IFI16: variants seen among roughly 807,000 people sequenced by gnomAD.
The protein encoded by IFI16 is gamma-interferon-inducible protein 16.
Under a neutral mutation model 68.4 loss-of-function variants are expected in IFI16, and 49 were observed. The ratio of observed to expected loss-of-function variants is 0.72; its 90% CI spans 0.57 to 0.91. The LOEUF (loss-of-function observed/expected upper bound fraction) is 0.91, where lower values mean the gene tolerates loss of function less well. Among genes scored for constraint, IFI16 ranks in the 40% least tolerant of loss-of-function variants. The pLI is 0.00. For missense variants in IFI16, 878 were observed against 942.9 expected (o/e 0.93, Z 0.90); for synonymous variants, 307 against 315.0 (o/e 0.97, Z 0.27).
chr1:159,025,589 T>C (rs1402432502), intron 6 of IFI16, among the ~76,000 whole-genome samples: 1 of 152,230 alleles, frequency 6.6e-6, no homozygotes, highest in Non-Finnish European at 1.5e-5. Context: ...CTTTGTCAGA[T>C]GCATAGTTTG....
chr1:159,027,983 T>A (rs1021565294), intron 6 of IFI16, among the ~76,000 whole-genome samples: 1 of 152,220 alleles, frequency 6.6e-6, no homozygotes, highest in Non-Finnish European at 1.5e-5. Context: ...ATTTATCTTT[T>A]GTGTTGTTCT....
chr1:159,018,254 A>G lies in IFI16; in HGVS notation c.575A>G (p.Gln192Arg). Residue 192 changes from glutamine (Q) to arginine (R), a missense_variant, in exon 5 of 12, where the codon CAG (glutamine) becomes CGG (arginine). Physicochemically the swap from Gln to Arg is conservative, Grantham distance 43. Around this residue, in one of 4 missense-constraint regions of IFI16, gnomAD observed 443 missense variants for 421.8 expected, o/e 1.05. Transcript: ENST00000295809. The part of the protein sequence containing the change: ...TENPKTVAKC[Q>R]VTPRRNVLQK... ...AACCCGAAAACAGTGGCCAAATGTC[A>G]GGTAACTCCCAGAAGAAATGTTCTC... The G allele has an allele frequency of 6.2e-7, 1 of 1,613,754 alleles. No individual in the cohort carries two copies. Among genetic ancestry groups the G allele is most frequent in the Non-Finnish European group, 8.5e-7 (1 of 1,179,796 alleles).
chr1:159,007,129 T>C (rs2101781976), upstream of IFI16, among the ~76,000 whole-genome samples: 1 of 152,326 alleles, frequency 6.6e-6, no homozygotes. Flanking sequence ...TGAGAATCAA[T>C]GGACAAAACA....
At chr1:159,050,849 A>G (rs978034725) in intron 9 of IFI16, among the ~76,000 whole-genome samples, 2 of 152,140 alleles carry the variant, frequency 1.3e-5, no homozygotes, top group Non-Finnish European at 2.9e-5. Flanking sequence ...CCTTCAGATT[A>G]GGAAAGTTTG....
chr1:159,014,985 C>G (rs745621065), intron 2 of IFI16, 40 bp downstream of exon 2: 1 of 1,530,602 alleles, frequency 6.5e-7, no homozygotes, highest in Non-Finnish European at 8.8e-7. Flanking sequence ...TGCAACCATC[C>G]CCAAACCCTC....
chr1:159,049,885 T>C (rs1318477731), intron 9 of IFI16, among the ~76,000 whole-genome samples: 1 of 151,512 alleles, frequency 6.6e-6, no homozygotes, highest in East Asian at 1.9e-4. Flanking sequence ...AATCATACCT[T>C]AAAGTAGAAC....
intron 6 of IFI16, among the ~76,000 whole-genome samples, chr1:159,029,430 G>A (rs1399091708): frequency 6.6e-6 from 1 of 151,966 alleles, no homozygotes; most frequent in East Asian, 1.9e-4. Context: ...TCTTTTCTCC[G>A]TCTTGACTTT....
intron 1 of IFI16, chr1:159,000,471 A>G (rs111274281): frequency 0.011 from 1,749 of 154,090 alleles, 33 homozygotes; most frequent in African/African-American, 0.04. Context: ...GAAATATAAG[A>G]AATAACTTTT....
At chr1:159,029,263 G>A (rs886174825) in intron 6 of IFI16, among the ~76,000 whole-genome samples, 2 of 152,124 alleles carry the variant, frequency 1.3e-5, no homozygotes, top group African/African-American at 4.8e-5. Context: ...TTAGTTCACT[G>A]GATACACATT....
chr1:159,018,153 A>T, intron 4 of IFI16, 76 bp from the exon 5 acceptor site: 4 of 1,285,450 alleles, frequency 3.1e-6, no homozygotes, highest in Non-Finnish European at 4.4e-6. Context: ...CCTGTGTTAT[A>T]CTGAGGTCAC....
At chr1:159,054,748 A>G in intron 11 of IFI16, 73 bp from the exon 12 acceptor site, 1 of 727,256 alleles carries the variant, frequency 1.4e-6, no homozygotes, top group Non-Finnish European at 2.5e-6. Flanking sequence ...GAGGAGATAC[A>G]GTGTGATTGA....
Position 159,020,593 on chromosome 1 carries a change from A to G in IFI16, c.1161+64A>G. On this transcript the variant is annotated intron_variant, in intron 6 of 11. Coordinates refer to ENST00000295809, the MANE Select transcript of IFI16 (RefSeq NM_001376587.1). ...GAAATGATTTGCTTTAAGTTTTGGC[A>G]AAAACAAGTTTGTAGGTTTTTTTTA... is the stretch of plus-strand genomic sequence containing the variant. 22 of 1,286,094 alleles carry G rather than the reference A, an allele frequency of 1.7e-5. No homozygotes were observed. In the South Asian group the frequency reaches 2.9e-4, roughly 17 times the overall value. The allele number at this position is 1,286,094 out of a possible 1,614,324, so 79.7% of individuals were successfully genotyped here.
At chr1:159,048,484 A>C (rs1256617922) in intron 8 of IFI16, among the ~76,000 whole-genome samples, 1 of 151,522 alleles carries the variant, frequency 6.6e-6, no homozygotes, top group Non-Finnish European at 1.5e-5. Context: ...GACTGAATCC[A>C]CAGTAGGTGT....
At chr1:159,043,518 C>G (rs1654792362) in intron 7 of IFI16, among the ~76,000 whole-genome samples, 1 of 152,132 alleles carries the variant, frequency 6.6e-6, no homozygotes, top group Admixed American at 6.5e-5. Context: ...CACAGGAGGC[C>G]TGCAAAAATG....
chr1:159,047,461 A>C (rs1424526363), intron 8 of IFI16, among the ~76,000 whole-genome samples: 1 of 146,834 alleles, frequency 6.8e-6, no homozygotes, highest in Non-Finnish European at 1.5e-5. Flanking sequence ...AATGACATAC[A>C]TAGACATCAT....
At chr1:159,038,640 T>C (rs1458808355) in intron 7 of IFI16, among the ~76,000 whole-genome samples, 1 of 152,218 alleles carries the variant, frequency 6.6e-6, no homozygotes, top group Non-Finnish European at 1.5e-5. Flanking sequence ...TTGCTGGGGT[T>C]ACATGCACAA....
intron 11 of IFI16, among the ~76,000 whole-genome samples, chr1:159,054,476 C>CT (rs1358952993): frequency 1.1e-4 from 17 of 152,308 alleles, no homozygotes; most frequent in Non-Finnish European, 2.2e-4. Context: ...CTTTTGTACT[C>CT]TCCCCCTTCC....
chr1:159,003,103 G>C (rs1652119087), upstream of IFI16, among the ~76,000 whole-genome samples: 1 of 152,174 alleles, frequency 6.6e-6, no homozygotes, highest in Admixed American at 6.5e-5. Flanking sequence ...GGAAAATTTG[G>C]AAACTTCCAT....
intron 6 of IFI16, among the ~76,000 whole-genome samples, chr1:159,028,092 G>A (rs1653780987): frequency 1.1e-5 from 1 of 87,884 alleles, no homozygotes; most frequent in South Asian, 4.0e-4. Context: ...CTGGTTCCTT[G>A]AGATGTGACC....
Sources: gnomAD v4.1 joint callset for allele counts (sites outside exome capture counted in the v4.1 genomes callset) on GRCh38, gnomAD v4.1.1 for gene constraint, gnomAD v4.1.1 regional missense constraint, MANE v1.5 for transcripts, NCBI Gene and HGNC (gene_info 2026-07-23, HGNC 2026-07-21) for gene names.